Variants in CTBP1 observed in about 807,000 individuals in gnomAD.
The protein encoded by CTBP1 is C-terminal binding protein 1, also known as C-terminal-binding protein 1.
Under a neutral mutation model 42.1 loss-of-function variants are expected in CTBP1, and 11 were observed. The ratio of observed to expected loss-of-function variants is 0.26; its 90% CI spans 0.16 to 0.43. The LOEUF (loss-of-function observed/expected upper bound fraction) is 0.43, where lower values mean the gene tolerates loss of function less well. Among genes scored for constraint, CTBP1 ranks in the 20% least tolerant of loss-of-function variants. The probability of loss-of-function intolerance (pLI) is 1.00; values close to 1 mark genes in which losing one functional copy is unlikely to be tolerated. For synonymous variants in CTBP1, 324 were observed against 277.1 expected, an observed-to-expected ratio of 1.17 and a Z score of -1.68; for missense variants, 399 against 624.3, an observed-to-expected ratio of 0.64 and a Z score of 3.85.
intron 7 of CTBP1, 29 bp from the exon 8 acceptor site, chr4:1,213,634 A>T (rs1441571283): frequency 6.2e-7 from 1 of 1,606,162 alleles, no homozygotes; most frequent in Admixed American, 1.7e-5. Context: ...TGGTCAGTGC[A>T]GCCTGAGTGC....
At position 1,211,879 on chromosome 4, in the gene CTBP1, A is replaced by AAAC; in HGVS notation, c.*360_*361insGTT. On this transcript the variant is annotated 3_prime_UTR_variant, in exon 10 of 10. Coordinates refer to ENST00000382952, the MANE Select transcript of CTBP1 (RefSeq NM_001012614.2). ...GTTCCAACATACAAAAAAAAAAAAA[A>AAAC]CAAAAAAAAAAACCTCAAATTGACT... 6.3e-6 allele frequency: 1 copy of AAAC among 158,676 alleles called. No homozygotes were observed. Among genetic ancestry groups the AAAC allele is most frequent in the Non-Finnish European group, 1.4e-5 (1 of 73,892 alleles). The allele number at this position is 158,676 out of a possible 1,614,324, so 9.8% of individuals were successfully genotyped here. A position where few individuals can be genotyped will look rare whatever the true frequency, so the allele number is the denominator to read the frequency against.
At chr4:1,218,783 G>A (rs559717133) in intron 5 of CTBP1, among the ~76,000 whole-genome samples, 2 of 152,132 alleles carry the variant, frequency 1.3e-5, no homozygotes, top group South Asian at 2.1e-4. Context: ...AACTAAACAC[G>A]ATCACTAAGC....
chr4:1,248,762 G>C, intron 1 of CTBP1, 154 bp downstream of exon 1: 2 of 975,978 alleles, frequency 2.0e-6, no homozygotes, highest in Non-Finnish European at 2.4e-6. Context: ...CCCGACCGCG[G>C]CCACGCGCGG....
rs1022595616 is a variant in CTBP1, at chr4:1,233,202, G to A, written c.163-4859C>T. The A allele has an allele frequency of 3.3e-5, 5 of 152,256 alleles. No individual in the cohort carries two copies. Among genetic ancestry groups the A allele is most frequent in the African/African-American group, 1.2e-4 (5 of 41,436 alleles). The allele number at this position is 152,256 out of a possible 1,614,324, so 9.4% of individuals were successfully genotyped here. ...GTCTCTGTGCCAGCCGCCAGCAAGA[G>A]ACCGAGGGGCTCCAGGCCTGTCCTA... On this transcript the variant is annotated intron_variant, in intron 3 of 9. Transcript: ENST00000382952. This position sits in a 1 kb window ranked among gnomAD's most constrained non-coding sequence, Gnocchi z 4.6.
chr4:1,229,917 G>A lies in CTBP1; in HGVS notation c.163-1574C>T, dbSNP rs1043592844. Among the ~76,000 whole-genome samples, 3 of 152,210 alleles carry A rather than the reference G, an allele frequency of 2.0e-5. No individual in the cohort carries two copies. The East Asian group carries it at 5.8e-4, about 29-fold the overall frequency. The stretch of plus-strand genomic sequence containing the variant: ...GCCACAGCAGAGGCTGGGCAGCAGG[G>A]GAGGGGAGCCCTGGGCTAGCCTGGG... On this transcript the variant is annotated intron_variant, in intron 3 of 9. Coordinates refer to ENST00000382952, the MANE Select transcript of CTBP1 (RefSeq NM_001012614.2).
At chr4:1,226,708 ATGCACCCGACACCACACACCCAGGCC>A (rs1157232183) in intron 4 of CTBP1, among the ~76,000 whole-genome samples, 1 of 151,688 alleles carries the variant, frequency 6.6e-6, no homozygotes, top group African/African-American at 2.4e-5. Context: ...AGCACCAGGC[ATGCACCCGACACCACACACCCAGGCC>A]TGCACCCGAC....
rs28384148 is a variant in CTBP1, at chr4:1,236,835, T to A, written c.162+1348A>T. 26 of 630,060 alleles carry A rather than the reference T, an allele frequency of 4.1e-5. No homozygotes were observed. The African/African-American group carries it at 4.9e-4, about 12-fold the overall frequency. The allele number at this position is 630,060 out of a possible 1,614,324, so 39.0% of individuals were successfully genotyped here. On this transcript the variant is annotated intron_variant, in intron 3 of 9. Coordinates refer to ENST00000382952, the MANE Select transcript of CTBP1 (RefSeq NM_001012614.2). ...CCGAATGTCCACCTCCTGATGGGGCTCAGGACAAACCCGGTGTCCACCTCC... is the reference window on the plus strand; with the variant it reads ...CCGAATGTCCACCTCCTGATGGGGCACAGGACAAACCCGGTGTCCACCTCC...
rs1323126168 is a variant in CTBP1, at chr4:1,235,375, A to G, written c.162+2808T>C. 1 of 151,920 alleles carries G rather than the reference A, an allele frequency of 6.6e-6. No individual in the cohort carries two copies. The highest frequency in any genetic ancestry group is 2.4e-5 in the African/African-American group (1 of 41,344). 9.4% of individuals were successfully genotyped at this position (151,920 alleles called of 1,614,324 possible). On this transcript the variant is annotated intron_variant, in intron 3 of 9. Coordinates refer to ENST00000382952, the MANE Select transcript of CTBP1 (RefSeq NM_001012614.2). This position sits in a 1 kb window ranked among gnomAD's most constrained non-coding sequence, Gnocchi z 4.2. ...AGACCACGCGCATTTTTAACATCAG[A>G]TTTTCTTCCGTCCATTTTGGAAAGG...
intron 7 of CTBP1, chr4:1,213,825 G>A (rs1372837741): frequency 3.6e-6 from 2 of 562,460 alleles, no homozygotes; most frequent in Non-Finnish European, 6.1e-6. Context: ...GGAGCCCAAG[G>A]GATTTAATCT....
At chr4:1,244,130 C>T in intron 1 of CTBP1, 3 of 985,420 alleles carry the variant, frequency 3.0e-6, no homozygotes, top group Non-Finnish European at 3.6e-6. Context: ...ACCCCAGAGC[C>T]TCCTGGCCAC....
At chr4:1,232,639 TTTAA>T (rs1731074571) in intron 3 of CTBP1, among the ~76,000 whole-genome samples, 1 of 152,336 alleles carries the variant, frequency 6.6e-6, no homozygotes, top group Non-Finnish European at 1.5e-5. Context: ...CTAATTGCCA[TTTAA>T]TTAAAGTGAC....
intron 2 of CTBP1, 23 bp downstream of exon 2, chr4:1,241,302 C>G (rs778688931): frequency 1.2e-6 from 1 of 808,524 alleles, no homozygotes; most frequent in Non-Finnish European, 2.3e-6. Context: ...ACTCTGCCGC[C>G]GACGCCAGGA....
At chr4:1,214,818 C>G (rs1014767603) in intron 6 of CTBP1, among the ~76,000 whole-genome samples, 9 of 152,230 alleles carry the variant, frequency 5.9e-5, no homozygotes, top group African/African-American at 1.4e-4. Context: ...CAGCCTCCCC[C>G]ACGCAGGGCC....
At chr4:1,213,947 T>C (rs936575572) in intron 7 of CTBP1, 7 of 402,520 alleles carry the variant, frequency 1.7e-5, no homozygotes, top group Admixed American at 4.4e-5. Flanking sequence ...TGTGGGGGTG[T>C]CTCCTCTTGC....
At chr4:1,241,573 A>G in intron 1 of CTBP1, 54 bp from the exon 2 acceptor site, 1 of 1,508,476 alleles carries the variant, frequency 6.6e-7, no homozygotes, top group Non-Finnish European at 8.9e-7. Context: ...TCCGACCAGA[A>G]CTCACAGACT....
intron 2 of CTBP1, among the ~76,000 whole-genome samples, chr4:1,239,222 A>AAGCATGGCAGC (rs1409328546): frequency 1.3e-5 from 2 of 152,202 alleles, no homozygotes; most frequent in Non-Finnish European, 2.9e-5. Flanking sequence ...GGCGTCACAG[A>AAGCATGGCAGC]AGCATGGCAG....
chr4:1,249,423 C>G (rs1733120399), upstream of CTBP1: 1 of 152,780 alleles, frequency 6.5e-6, no homozygotes, highest in African/African-American at 2.4e-5. Context: ...CCTGCGGGCC[C>G]GGAAGCCGAG....
chr4:1,225,692 G>GTCCCCAAA, intron 4 of CTBP1, 126 bp from the exon 5 acceptor site: 1 of 1,021,918 alleles, frequency 9.8e-7, no homozygotes, highest in Non-Finnish European at 1.4e-6. Context: ...GTGTCCCCAA[G>GTCCCCAAA]GCCACCCCGG....
rs7687296 is a variant in CTBP1 at position 1,212,944 on chromosome 4, C to A, written c.1075G>T (p.Val359Leu). The change falls in exon 9 of 10, where the codon GTG becomes TTG. Residue 359 changes from valine to leucine, a missense_variant. By Grantham distance (32) the Val-to-Leu change is conservative. Coordinates refer to ENST00000382952, the MANE Select transcript of CTBP1 (RefSeq NM_001012614.2). ...THWASMDPAV[V>L]HPELNGAAYR... ...GCAGCCCCATTGAGCTCAGGGTGCA[C>A]GACGGCGGGGTCCATGCTGGCCCAG... 3.8e-5 allele frequency: 62 copies of A among 1,613,672 alleles called. No individual in the cohort carries two copies. The African/African-American group carries it at 7.9e-4, about 20-fold the overall frequency.
Sources: allele counts gnomAD v4.1 joint callset (sites outside exome capture counted in the v4.1 genomes callset), GRCh38; gene constraint gnomAD v4.1.1; non-coding constraint Gnocchi (gnomAD v3.1); transcripts MANE v1.5; gene names NCBI Gene and HGNC (gene_info 2026-07-23, HGNC 2026-07-21).